The following SHTN1 variants were observed in gnomAD, a reference collection of about 807,000 sequenced individuals.
The protein encoded by SHTN1 is shootin-1.
SHTN1 carries 42 observed loss-of-function variants against 83.1 expected under a neutral mutation model. The observed-to-expected ratio is 0.51, with a 90% CI of 0.39 to 0.65. The LOEUF (loss-of-function observed/expected upper bound fraction) is 0.65, where lower values mean the gene tolerates loss of function less well. SHTN1 is among the 30% of genes least tolerant of loss of function. The pLI is 0.00. For missense variants in SHTN1, 622 were observed against 737.8 expected (o/e 0.84, Z 1.82); for synonymous variants, 224 against 247.7 (o/e 0.90, Z 0.90).
intron 11 of SHTN1, among the ~76,000 whole-genome samples, chr10:116,923,912 A>G (rs1055537483): frequency 6.6e-6 from 1 of 152,074 alleles, no homozygotes; most frequent in Non-Finnish European, 1.5e-5. Context: ...ACGTTTGCTT[A>G]TATTATTAAT....
intron 1 of SHTN1, among the ~76,000 whole-genome samples, chr10:117,093,032 C>T (rs528210064): frequency 1.1e-4 from 17 of 152,130 alleles, no homozygotes; most frequent in Non-Finnish European, 2.5e-4. Flanking sequence ...ATGCTTCAGA[C>T]TCTACAATAT....
At chr10:116,986,156 A>C (rs11197863) in intron 1 of SHTN1, among the ~76,000 whole-genome samples, 1 of 151,996 alleles carries the variant, frequency 6.6e-6, no homozygotes, top group Non-Finnish European at 1.5e-5. Context: ...AAATACACAC[A>C]TAAGTCTGAT....
chr10:116,900,445 A>C, intron 16 of SHTN1: 1 of 1,200,536 alleles, frequency 8.3e-7, no homozygotes. Context: ...CAATTATTTC[A>C]TTTCCTTTCT....
intron 1 of SHTN1, among the ~76,000 whole-genome samples, chr10:117,064,349 T>C (rs1410262204): frequency 6.6e-6 from 1 of 152,198 alleles, no homozygotes; most frequent in African/African-American, 2.4e-5. Context: ...GGCTGTATCT[T>C]GCCTCTCACT....
chr10:116,921,158 A>G (rs1848550868), intron 12 of SHTN1, among the ~76,000 whole-genome samples: 2 of 151,844 alleles, frequency 1.3e-5, no homozygotes, highest in African/African-American at 4.8e-5. Context: ...ATTTGGAATT[A>G]CTCCCTCTCT....
intron 1 of SHTN1, among the ~76,000 whole-genome samples, chr10:117,125,239 C>T (rs895288596): frequency 2.0e-5 from 3 of 152,188 alleles, no homozygotes; most frequent in Admixed American, 1.3e-4. Context: ...TAGAGTTGAA[C>T]TTATTTGCCA....
intron 3 of SHTN1, among the ~76,000 whole-genome samples, chr10:116,963,898 G>C (rs184668045): frequency 6.6e-6 from 1 of 151,458 alleles, no homozygotes; most frequent in African/African-American, 2.4e-5. Context: ...AGCGAAGTTT[G>C]TCTCTCTTCA....
chr10:116,955,855 C>T (rs7077565), intron 4 of SHTN1, among the ~76,000 whole-genome samples: 44,571 of 152,108 alleles, frequency 0.29, 6,871 homozygotes, highest in East Asian at 0.51. Context: ...CAGTCTCCAA[C>T]TCTAGCTTCT....
chr10:116,889,218 A>C (rs576456336), intron 16 of SHTN1, among the ~76,000 whole-genome samples: 49 of 152,326 alleles, frequency 3.2e-4, no homozygotes, highest in Middle Eastern at 6.8e-3. Flanking sequence ...ATTTCCAGGA[A>C]GTGCTCTCTG....
chr10:117,028,645 A>G (rs566374717), intron 2 of SHTN1, among the ~76,000 whole-genome samples: 24 of 152,162 alleles, frequency 1.6e-4, no homozygotes, highest in African/African-American at 5.3e-4. Context: ...GCCCAGGTAC[A>G]ACCTGGGCCA....
At chr10:116,984,641 T>A (rs1851162366) in intron 1 of SHTN1, among the ~76,000 whole-genome samples, 1 of 152,180 alleles carries the variant, frequency 6.6e-6, no homozygotes, top group South Asian at 2.1e-4. Flanking sequence ...CTAAAAAGTA[T>A]CTCTGCAAAC....
chr10:117,069,375 C>T (rs1853048359), intron 1 of SHTN1, among the ~76,000 whole-genome samples: 1 of 151,976 alleles, frequency 6.6e-6, no homozygotes, highest in Admixed American at 6.6e-5. Flanking sequence ...ATGTATAGAT[C>T]ACTCTCAAGT....
intron 1 of SHTN1, among the ~76,000 whole-genome samples, chr10:117,089,830 A>T (rs61873041): frequency 0.033 from 5,010 of 152,322 alleles, 127 homozygotes; most frequent in Non-Finnish European, 0.053. Flanking sequence ...AATGAAAATC[A>T]TTAGGGGAAT....
At chr10:117,105,807 C>T (rs1853660862) in intron 1 of SHTN1, among the ~76,000 whole-genome samples, 1 of 152,106 alleles carries the variant, frequency 6.6e-6, no homozygotes, top group Non-Finnish European at 1.5e-5. Context: ...TGCTTGAGCA[C>T]AGGAGTTCGA....
In SHTN1 at chr10:117,109,361, C is replaced by T. The variant is rs376529668; in HGVS notation, c.-189+16946G>A. 3.8e-4 allele frequency among the ~76,000 whole-genome samples: 57 copies of T among 152,000 alleles called. No individual in the cohort carries two copies. In the South Asian group the frequency reaches 0.011, roughly 30 times the overall value. On this transcript the variant is annotated intron_variant, in intron 1 of 17. Transcript: ENST00000392901. ...GGCACACTGTTTTGAGCACAGTAGA[C>T]ACTCAATACATGTAAGCTTCCCTCA...
chr10:117,004,393 T>C (rs1401579873), intron 1 of SHTN1, among the ~76,000 whole-genome samples: 1 of 152,132 alleles, frequency 6.6e-6, no homozygotes, highest in Admixed American at 6.5e-5. Context: ...TGCGTGCGCA[T>C]GGCCTGGCTC....
chr10:117,027,719 C>T (rs552511576), intron 2 of SHTN1, among the ~76,000 whole-genome samples: 4 of 152,274 alleles, frequency 2.6e-5, no homozygotes, highest in East Asian at 1.9e-4. Flanking sequence ...AGGATGGTCT[C>T]GATCTCCTGA....
chr10:116,969,065 A>G (rs1162873813), intron 2 of SHTN1, among the ~76,000 whole-genome samples: 3 of 152,200 alleles, frequency 2.0e-5, no homozygotes, highest in Non-Finnish European at 4.4e-5. Context: ...ATAGTCACTC[A>G]TGTACATGTC....
chr10:116,904,000 C>T (rs1847857691), intron 15 of SHTN1, among the ~76,000 whole-genome samples: 1 of 152,156 alleles, frequency 6.6e-6, no homozygotes, highest in African/African-American at 2.4e-5. Context: ...TAGTTAAATG[C>T]CTAAGAAAAA....
Sources: allele counts gnomAD v4.1 joint callset (sites outside exome capture counted in the v4.1 genomes callset), GRCh38; gene constraint gnomAD v4.1.1; transcripts MANE v1.5; gene names NCBI Gene and HGNC (gene_info 2026-07-23, HGNC 2026-07-21).